MEF2A: variants seen among roughly 807,000 people sequenced by gnomAD.
MEF2A encodes myocyte enhancer factor 2A, also known as myocyte-specific enhancer factor 2A.
A neutral mutation model predicts 55.8 loss-of-function variants in MEF2A; 28 were observed. The observed-to-expected ratio is 0.50, with a 90% CI of 0.37 to 0.69. MEF2A has a LOEUF of 0.69. Among genes scored for constraint, MEF2A ranks in the 30% least tolerant of loss-of-function variants. The probability of loss-of-function intolerance (pLI) is 0.00; values close to 1 mark genes in which losing one functional copy is unlikely to be tolerated. For missense variants in MEF2A, 528 were observed against 626.2 expected (o/e 0.84, Z 1.67); for synonymous variants, 239 against 227.1 (o/e 1.05, Z -0.47).
intron 9 of MEF2A, among the ~76,000 whole-genome samples, chr15:99,705,839 T>TA (rs2057973290): frequency 6.6e-6 from 1 of 152,174 alleles, no homozygotes; most frequent in Admixed American, 6.5e-5. Context: ...AAAAAACAAA[T>TA]AGAGTTGTGC....
At chr15:99,580,803 G>C (rs1415026300) in intron 1 of MEF2A, among the ~76,000 whole-genome samples, 1 of 152,096 alleles carries the variant, frequency 6.6e-6, no homozygotes, top group Non-Finnish European at 1.5e-5. Flanking sequence ...GAATTGGTTT[G>C]GTAGATGTTA....
At chr15:99,642,925 A>G (rs985566143) in intron 3 of MEF2A, among the ~76,000 whole-genome samples, 3 of 152,176 alleles carry the variant, frequency 2.0e-5, no homozygotes, top group African/African-American at 4.8e-5. Flanking sequence ...CTTTTTTAGT[A>G]TTATGTATGT....
rs373173571 is a variant in MEF2A at position 99,660,119 on chromosome 15, CCAGT to C, written c.259-11202_259-11199del. Among the ~76,000 whole-genome samples the C allele has an allele frequency of 7.0e-3, 1,059 of 152,256 alleles. 14 individuals carry two copies. The highest frequency in any genetic ancestry group is 0.012 in the Non-Finnish European group (828 of 68,012). On this transcript the variant is annotated intron_variant, in intron 4 of 11. Transcript: ENST00000557942. ...GAGTTGCAAAGATAATAATCAGAAG[CCAGT>C]CTCACTGAACATAAATGTGAAAGTC...
chr15:99,568,549 A>G (rs1366075485), intron 1 of MEF2A, among the ~76,000 whole-genome samples: 4 of 152,204 alleles, frequency 2.6e-5, no homozygotes, highest in Non-Finnish European at 5.9e-5. Context: ...GTGGTTAAGA[A>G]ATTATGGAAA....
chr15:99,686,825 T>C (rs1281051319), intron 7 of MEF2A, among the ~76,000 whole-genome samples: 1 of 152,196 alleles, frequency 6.6e-6, no homozygotes, highest in African/African-American at 2.4e-5. Context: ...GACTTTTAGA[T>C]TTCTCTTCTT....
intron 2 of MEF2A, among the ~76,000 whole-genome samples, chr15:99,600,531 CT>C (rs1972622228): frequency 6.6e-6 from 1 of 152,106 alleles, no homozygotes; most frequent in Admixed American, 6.6e-5. Context: ...CTTGGAACTT[CT>C]TTGGACTACT....
chr15:99,581,261 G>A (rs1019049817), intron 1 of MEF2A, among the ~76,000 whole-genome samples: 1 of 152,026 alleles, frequency 6.6e-6, no homozygotes, highest in African/African-American at 2.4e-5. Flanking sequence ...AGGGCATATT[G>A]GCTTTTAACA....
At chr15:99,659,742 A>G (rs770122064) in intron 4 of MEF2A, among the ~76,000 whole-genome samples, 24 of 152,214 alleles carry the variant, frequency 1.6e-4, no homozygotes, top group Non-Finnish European at 2.5e-4. Flanking sequence ...GATGAACTAG[A>G]GGATCACAAC....
intron 2 of MEF2A, among the ~76,000 whole-genome samples, chr15:99,624,921 TAC>T (rs1204843619): frequency 6.6e-6 from 1 of 152,178 alleles, no homozygotes; most frequent in Non-Finnish European, 1.5e-5. Context: ...ATACCCAACT[TAC>T]AGTGGTTTGA....
At chr15:99,588,533 T>C (rs1479567913) in intron 1 of MEF2A, among the ~76,000 whole-genome samples, 1 of 151,996 alleles carries the variant, frequency 6.6e-6, no homozygotes, top group Non-Finnish European at 1.5e-5. Context: ...CTCGAACTCC[T>C]GAGCTCAGGC....
At chr15:99,673,429 A>G (rs1348918288) in intron 5 of MEF2A, among the ~76,000 whole-genome samples, 2 of 152,226 alleles carry the variant, frequency 1.3e-5, no homozygotes, top group South Asian at 2.1e-4. Context: ...TAATTTTTCT[A>G]CATGAAATAA....
intron 1 of MEF2A, among the ~76,000 whole-genome samples, chr15:99,568,855 A>G (rs557981995): frequency 6.8e-4 from 103 of 152,310 alleles, no homozygotes; most frequent in African/African-American, 2.4e-3. Flanking sequence ...GAATGTTTCA[A>G]AGTCTAGCTG....
chr15:99,632,203 G>A (rs1041464206), intron 2 of MEF2A, among the ~76,000 whole-genome samples: 1 of 151,664 alleles, frequency 6.6e-6, no homozygotes, highest in Non-Finnish European at 1.5e-5. Flanking sequence ...ACACACACAC[G>A]AAGGTGCTGT....
rs530805138 is a variant in MEF2A at position 99,597,971 on chromosome 15, G to A, written c.-224-459G>A. 2.0e-5 allele frequency among the ~76,000 whole-genome samples: 3 copies of A among 152,222 alleles called. No homozygotes were observed. The East Asian group carries it at 5.8e-4, about 29-fold the overall frequency. On this transcript the variant is annotated intron_variant, in intron 1 of 11. Coordinates refer to ENST00000557942, the MANE Select transcript of MEF2A (RefSeq NM_001319206.4). ...ATATACACATTGTATTGAAATACAG[G>A]TATATTTTATGGTGATAACAATTAT... is the stretch of plus-strand genomic sequence containing the variant.
At chr15:99,586,909 T>G (rs939891151) in intron 1 of MEF2A, among the ~76,000 whole-genome samples, 5 of 152,230 alleles carry the variant, frequency 3.3e-5, no homozygotes, top group African/African-American at 1.2e-4. Flanking sequence ...TTGAATTACC[T>G]TGACATCTTT....
intron 1 of MEF2A, among the ~76,000 whole-genome samples, chr15:99,584,485 A>G (rs2152895048): frequency 6.6e-6 from 1 of 152,328 alleles, no homozygotes; most frequent in South Asian, 2.1e-4. Context: ...CACACAAGGG[A>G]ATATTATTCA....
At chr15:99,677,314 A>G (rs2052324054) in intron 7 of MEF2A, among the ~76,000 whole-genome samples, 1 of 152,098 alleles carries the variant, frequency 6.6e-6, no homozygotes, top group African/African-American at 2.4e-5. Flanking sequence ...CTTTGACTTT[A>G]ATATAACAGT....
At chr15:99,600,621 A>G (rs770143701) in intron 2 of MEF2A, among the ~76,000 whole-genome samples, 14 of 152,134 alleles carry the variant, frequency 9.2e-5, no homozygotes, top group Non-Finnish European at 1.9e-4. Context: ...TTCTTTGAAT[A>G]TAGATATCAT....
intron 2 of MEF2A, among the ~76,000 whole-genome samples, chr15:99,631,464 G>A (rs1431573402): frequency 1.3e-5 from 2 of 152,188 alleles, no homozygotes; most frequent in East Asian, 3.9e-4. Context: ...TGCCTAATAT[G>A]TATATCTCAT....
Sources: allele counts gnomAD v4.1 joint callset (sites outside exome capture counted in the v4.1 genomes callset), GRCh38; gene constraint gnomAD v4.1.1; transcripts MANE v1.5; gene names NCBI Gene and HGNC (gene_info 2026-07-23, HGNC 2026-07-21).